Variants in NOL7 observed in about 807,000 individuals in gnomAD.
NOL7 encodes nucleolar protein 7, also known as U3 small nucleolar RNA-associated protein NOL7.
Under a neutral mutation model 38.4 loss-of-function variants are expected in NOL7, and 36 were observed. The observed-to-expected ratio is 0.94, with a 90% confidence interval of 0.72 to 1.24. The LOEUF is 1.24. Ranked by LOEUF, NOL7 falls within the 50% of genes most tolerant of loss-of-function variation. The probability of loss-of-function intolerance (pLI) is 0.00; values close to 1 mark genes in which losing one functional copy is unlikely to be tolerated. For synonymous variants in NOL7, 142 were observed against 126.5 expected (o/e 1.12, Z -0.82); for missense variants, 350 against 315.1 (o/e 1.11, Z -0.84).
chr6:13,623,094 C>T (rs1449067564), downstream of NOL7, among the ~76,000 whole-genome samples: 1 of 152,096 alleles, frequency 6.6e-6, no homozygotes, highest in Non-Finnish European at 1.5e-5. Flanking sequence ...TAAAAAAATG[C>T]CAATAAATTT....
At chr6:13,632,301 A>G in intron 8 of NOL7, 1 of 1,498,436 alleles carries the variant, frequency 6.7e-7, no homozygotes, top group South Asian at 1.3e-5. Flanking sequence ...TACACTGCTC[A>G]GTGTTTCACA....
At chr6:13,632,413 C>T in exon 9 of NOL7, 1 of 1,613,932 alleles carries the variant, frequency 6.2e-7, no homozygotes, top group Non-Finnish European at 8.5e-7. Context: ...ACAGTCTCTC[C>T]TTAGCTGTTC....
intron 8 of NOL7, among the ~76,000 whole-genome samples, chr6:13,631,810 T>C (rs1764790192): frequency 6.6e-6 from 1 of 152,232 alleles, no homozygotes; most frequent in South Asian, 2.1e-4. Context: ...TGAATTAGAT[T>C]GTATCCATCC....
chr6:13,630,762 C>G (rs376252517), intron 8 of NOL7, among the ~76,000 whole-genome samples: 1 of 151,990 alleles, frequency 6.6e-6, no homozygotes, highest in Non-Finnish European at 1.5e-5. Flanking sequence ...GGTCTGTATG[C>G]GAATACAGCT....
chr6:13,621,136 A>C lies in NOL7; in HGVS notation c.*309A>C, dbSNP rs1001456845. 1.1e-5 allele frequency: 2 copies of C among 179,058 alleles called. No homozygotes were observed. The highest frequency in any genetic ancestry group is 2.3e-5 in the Non-Finnish European group (2 of 85,404). 11.1% of individuals were successfully genotyped at this position (179,058 alleles called of 1,614,324 possible). The stretch of plus-strand genomic sequence containing the variant: ...TGGCACGGACTAAAAGGAGAAATGG[A>C]TATTCCAGCAAAGTCTCTAACTGCA... On this transcript the variant is annotated 3_prime_UTR_variant, in exon 8 of 8. Transcript: ENST00000451315.
chr6:13,616,877 A>AT (rs1764306132), intron 3 of NOL7, among the ~76,000 whole-genome samples: 1 of 152,098 alleles, frequency 6.6e-6, no homozygotes, highest in South Asian at 2.1e-4. Context: ...TGAAAACTTG[A>AT]TTTGTCCCAT....
At chr6:13,618,552 A>G (rs1193588340) in intron 5 of NOL7, among the ~76,000 whole-genome samples, 1 of 152,158 alleles carries the variant, frequency 6.6e-6, no homozygotes, top group Non-Finnish European at 1.5e-5. Flanking sequence ...CGGCCGGGAA[A>G]ATATTTTAAT....
At chr6:13,620,521 T>A (rs1764414125) in intron 7 of NOL7, 36 bp downstream of exon 7, 1 of 1,557,368 alleles carries the variant, frequency 6.4e-7, no homozygotes, top group African/African-American at 1.4e-5. Context: ...CTCTAATAGC[T>A]TTATATGTTG....
chr6:13,617,543 T>C (rs1764323348), intron 3 of NOL7, among the ~76,000 whole-genome samples: 1 of 152,232 alleles, frequency 6.6e-6, no homozygotes, highest in Non-Finnish European at 1.5e-5. Context: ...AGCCTGCTAA[T>C]AGGCTCTCAG....
intron 4 of NOL7, 94 bp from the exon 5 acceptor site, chr6:13,617,964 T>C: frequency 2.1e-6 from 2 of 954,804 alleles, no homozygotes; most frequent in Non-Finnish European, 3.4e-6. Flanking sequence ...TGCATCCACA[T>C]TGGTGTGTAG....
chr6:13,629,434 A>G (rs1445787492), intron 8 of NOL7, among the ~76,000 whole-genome samples: 1 of 152,218 alleles, frequency 6.6e-6, no homozygotes, highest in Non-Finnish European at 1.5e-5. Flanking sequence ...AATACCTGAA[A>G]TATGTAGCAT....
At chr6:13,622,737 T>G (rs78308742), downstream of NOL7, among the ~76,000 whole-genome samples, 924 of 152,330 alleles carry the variant, frequency 6.1e-3, 4 homozygotes, top group African/African-American at 0.021. Context: ...TTTTAAAGTA[T>G]CAGATACTAA....
chr6:13,624,122 G>A (rs758408212), downstream of NOL7, among the ~76,000 whole-genome samples: 1 of 152,086 alleles, frequency 6.6e-6, no homozygotes, highest in Non-Finnish European at 1.5e-5. Context: ...ATTAACCAAA[G>A]AAAATTCACA....
chr6:13,626,383 T>C (rs929862879), downstream of NOL7, among the ~76,000 whole-genome samples: 1 of 152,228 alleles, frequency 6.6e-6, no homozygotes, highest in Non-Finnish European at 1.5e-5. Flanking sequence ...CACATACTAA[T>C]GGTGGTTTCA....
intron 2 of NOL7, among the ~76,000 whole-genome samples, 164 bp downstream of exon 2, chr6:13,615,936 T>C (rs1436823685): frequency 6.6e-6 from 1 of 152,002 alleles, no homozygotes; most frequent in African/African-American, 2.4e-5. Flanking sequence ...GGCAGTACTT[T>C]AGTTGGACGA....
chr6:13,618,584 G>A (rs914576673), intron 5 of NOL7, among the ~76,000 whole-genome samples: 6 of 152,086 alleles, frequency 3.9e-5, no homozygotes, highest in Non-Finnish European at 7.4e-5. Flanking sequence ...TCAGATTGTC[G>A]TCTCTGTGGA....
chr6:13,618,271 C>T (rs981830031), intron 5 of NOL7, 132 bp downstream of exon 5: 11 of 258,514 alleles, frequency 4.3e-5, no homozygotes, highest in Non-Finnish European at 5.9e-5. Context: ...GACGGAGTCT[C>T]GCTCTGTCGC....
rs142715266 is a variant in NOL7, at chr6:13,618,045, C to G, written c.419-13C>G. ...CGTGAATGCTAATTAGAAAATGTAA[C>G]TCTATTTTTTAGTTAATTTGCAAAA... is the stretch of plus-strand genomic sequence containing the variant. On this transcript the variant is annotated splice_polypyrimidine_tract_variant and intron_variant, in intron 4 of 7. Coordinates refer to ENST00000451315, the MANE Select transcript of NOL7 (RefSeq NM_016167.5). 7.2e-7 allele frequency: 1 copy of G among 1,385,176 alleles called. No individual in the cohort carries two copies. The highest frequency in any genetic ancestry group is 1.9e-5 in the Admixed American group (1 of 53,950). 85.8% of individuals were successfully genotyped at this position (1,385,176 alleles called of 1,614,324 possible).
downstream of NOL7, chr6:13,622,633 G>T: frequency 1.1e-6 from 1 of 896,250 alleles, no homozygotes; most frequent in Non-Finnish European, 1.6e-6. Context: ...AGGTTTCTAA[G>T]CAAAAGACAG....
Sources: allele counts gnomAD v4.1 joint callset (sites outside exome capture counted in the v4.1 genomes callset), GRCh38; gene constraint gnomAD v4.1.1; transcripts MANE v1.5; gene names NCBI Gene and HGNC (gene_info 2026-07-23, HGNC 2026-07-21).